TTC29: variants seen among roughly 807,000 people sequenced by gnomAD.
TTC29 encodes the protein tetratricopeptide repeat domain 29, also known as tetratricopeptide repeat protein 29.
A neutral mutation model predicts 58.1 loss-of-function variants in TTC29; 49 were observed. That is an observed-to-expected ratio of 0.84 (90% CI 0.67 to 1.07). The LOEUF (loss-of-function observed/expected upper bound fraction) is 1.07, where lower values mean the gene tolerates loss of function less well. Among genes scored for constraint, TTC29 ranks in the 50% least tolerant of loss-of-function variants. The probability of loss-of-function intolerance (pLI) is 0.00; values close to 1 mark genes in which losing one functional copy is unlikely to be tolerated. For synonymous variants in TTC29, 209 were observed against 196.8 expected, an observed-to-expected ratio of 1.06 and a Z score of -0.52; for missense variants, 582 against 555.6, an observed-to-expected ratio of 1.05 and a Z score of -0.48.
intron 8 of TTC29, among the ~76,000 whole-genome samples, chr4:146,847,771 A>C (rs538560280): frequency 1.3e-5 from 2 of 152,332 alleles, no homozygotes; most frequent in Admixed American, 1.3e-4. Context: ...AAATGCATCG[A>C]AAGTTCAGAA....
chr4:146,780,661 T>C (rs556746630), intron 11 of TTC29, among the ~76,000 whole-genome samples: 1 of 151,966 alleles, frequency 6.6e-6, no homozygotes, highest in East Asian at 1.9e-4. Flanking sequence ...ATCTCTTAAA[T>C]TGCTGAAGAA....
At chr4:146,813,513 G>T (rs977172025) in intron 10 of TTC29, among the ~76,000 whole-genome samples, 16 of 151,952 alleles carry the variant, frequency 1.1e-4, no homozygotes, top group Non-Finnish European at 2.1e-4. Flanking sequence ...TTACAGAAAA[G>T]GTAACTCCAA....
chr4:146,831,671 T>G, intron 9 of TTC29: 1 of 430,932 alleles, frequency 2.3e-6, no homozygotes. Flanking sequence ...CAGATAATTG[T>G]TCAACTCTTC....
At chr4:146,789,451 C>T (rs1370882956) in intron 11 of TTC29, among the ~76,000 whole-genome samples, 3 of 152,154 alleles carry the variant, frequency 2.0e-5, no homozygotes, top group African/African-American at 4.8e-5. Context: ...CTCATCATTT[C>T]GATGCAAGTG....
At chr4:146,718,677 G>C (rs1743122215) in intron 11 of TTC29, among the ~76,000 whole-genome samples, 2 of 151,980 alleles carry the variant, frequency 1.3e-5, no homozygotes, top group Admixed American at 1.3e-4. Flanking sequence ...TCACTCTGTT[G>C]TTTTCTTTTT....
At chr4:146,738,998 T>TA (rs568754320) in intron 11 of TTC29, among the ~76,000 whole-genome samples, 16 of 151,828 alleles carry the variant, frequency 1.1e-4, no homozygotes, top group East Asian at 5.8e-4. Flanking sequence ...CTGGTAAATG[T>TA]AAAAAAAAAT....
At chr4:146,891,199 G>A (rs564378454) in intron 6 of TTC29, among the ~76,000 whole-genome samples, 4 of 152,250 alleles carry the variant, frequency 2.6e-5, no homozygotes, top group East Asian at 3.9e-4. Flanking sequence ...GATCAGTTCC[G>A]AAATGTGTTG....
chr4:146,817,565 A>G lies in TTC29; in HGVS notation c.1101+2560T>C, dbSNP rs561484358. On this transcript the variant is annotated intron_variant, in intron 10 of 12. Coordinates refer to ENST00000325106, the MANE Select transcript of TTC29 (RefSeq NM_031956.4). ...TCAAGCTACCAATGACTTTCTTCAC[A>G]GAATTGGAAAAAACTACTTTAAAGT... Among the ~76,000 whole-genome samples, 7 of 152,352 alleles carry G rather than the reference A, an allele frequency of 4.6e-5. No homozygotes were observed. The East Asian group carries it at 1.3e-3, about 29-fold the overall frequency.
At chr4:146,832,653 G>A (rs145197371) in intron 9 of TTC29, among the ~76,000 whole-genome samples, 1 of 152,092 alleles carries the variant, frequency 6.6e-6, no homozygotes, top group East Asian at 1.9e-4. Flanking sequence ...GTGTGTGTGT[G>A]TGTGTGTGTG....
At chr4:146,864,790 T>C (rs1411801636) in intron 8 of TTC29, among the ~76,000 whole-genome samples, 1 of 152,170 alleles carries the variant, frequency 6.6e-6, no homozygotes, top group Non-Finnish European at 1.5e-5. Context: ...TCTTCCGCCT[T>C]TTTCTTATAA....
chr4:146,828,464 T>G (rs1345028929), intron 9 of TTC29, among the ~76,000 whole-genome samples: 1 of 152,030 alleles, frequency 6.6e-6, no homozygotes, highest in Non-Finnish European at 1.5e-5. Flanking sequence ...GAATATCACT[T>G]CAAAACCTTA....
At chr4:146,860,961 G>A (rs1156269968) in intron 8 of TTC29, among the ~76,000 whole-genome samples, 17 of 152,124 alleles carry the variant, frequency 1.1e-4, no homozygotes, top group Admixed American at 1.1e-3. Context: ...TAATAGTAAT[G>A]GGGTGAATCC....
intron 4 of TTC29, among the ~76,000 whole-genome samples, chr4:146,924,860 C>T (rs1450194171): frequency 6.6e-6 from 1 of 151,572 alleles, no homozygotes; most frequent in Non-Finnish European, 1.5e-5. Context: ...TATAAATTTC[C>T]TTTTAAGCAC....
At chr4:146,728,849 A>ATATATACGTATATATACG (rs1267339124) in intron 11 of TTC29, among the ~76,000 whole-genome samples, 1 of 54,378 alleles carries the variant, frequency 1.8e-5, no homozygotes, top group Non-Finnish European at 4.1e-5. Flanking sequence ...ATATATATGT[A>ATATATACGTATATATACG]TATATATACA....
chr4:146,890,214 C>T (rs1732260063), intron 6 of TTC29, among the ~76,000 whole-genome samples: 1 of 152,134 alleles, frequency 6.6e-6, no homozygotes, highest in Non-Finnish European at 1.5e-5. Flanking sequence ...GGGTTTATTC[C>T]TTCTGAGGTC....
intron 11 of TTC29, among the ~76,000 whole-genome samples, chr4:146,783,158 T>C (rs898062158): frequency 5.9e-5 from 9 of 152,070 alleles, no homozygotes; most frequent in African/African-American, 2.2e-4. Context: ...TGTTTTGATA[T>C]ACGCATACAT....
Position 146,883,337 on chromosome 4 carries a change from A to G in TTC29, c.587-8409T>C, listed in dbSNP as rs78671951. On this transcript the variant is annotated intron_variant, in intron 6 of 12. Transcript: ENST00000325106. Reference sequence around the variant, plus strand: ...GGAAACAATTGTTAGCACCTTGCTCAGTGCCTGGTGCCTCACAGACATCCA... The same window carrying G: ...GGAAACAATTGTTAGCACCTTGCTCGGTGCCTGGTGCCTCACAGACATCCA... Among the ~76,000 whole-genome samples, 589 of 152,102 alleles carry G rather than the reference A, an allele frequency of 3.9e-3. 4 individuals are homozygous for G. The highest frequency in any genetic ancestry group is 0.013 in the African/African-American group (553 of 41,512).
At chr4:146,713,111 C>CGTGT (rs10678715) in intron 11 of TTC29, among the ~76,000 whole-genome samples, 6,404 of 139,286 alleles carry the variant, frequency 0.046, 302 homozygotes, top group African/African-American at 0.12. Flanking sequence ...GAGAATTGAT[C>CGTGT]GTGTGTGTGT....
In TTC29 at chr4:146,749,115, C is replaced by A. The variant is rs573933824; in HGVS notation, c.1331-41564G>T. On this transcript the variant is annotated intron_variant, in intron 11 of 12. Transcript: ENST00000325106. The stretch of plus-strand genomic sequence containing the variant: ...GGAGGATTGCTTTTAGCCAGAAATT[C>A]AAGACCAGTACTGACAACATAGTGA... Among the ~76,000 whole-genome samples the A allele has an allele frequency of 4.7e-4, 69 of 147,722 alleles. 2 individuals carry two copies. The South Asian group carries it at 0.015, about 32-fold the overall frequency.
Sources: allele counts gnomAD v4.1 joint callset (sites outside exome capture counted in the v4.1 genomes callset), GRCh38; gene constraint gnomAD v4.1.1; transcripts MANE v1.5; gene names NCBI Gene and HGNC (gene_info 2026-07-23, HGNC 2026-07-21).